Variants in SERPINC1 observed in about 807,000 individuals in gnomAD.
The protein encoded by SERPINC1 is serpin family C member 1, also known as antithrombin-III.
In SERPINC1, 12 loss-of-function variants were observed where a neutral mutation model predicts 43.4. The observed-to-expected ratio is 0.28, with a 90% CI of 0.18 to 0.45. The LOEUF is 0.45. SERPINC1 is among the 20% of genes least tolerant of loss of function. SERPINC1 has a pLI of 1.00. For synonymous variants in SERPINC1, 210 were observed against 218.9 expected, an observed-to-expected ratio of 0.96 and a Z score of 0.36; for missense variants, 423 against 578.8, an observed-to-expected ratio of 0.73 and a Z score of 2.76.
rs1208996174 is a variant in SERPINC1, at chr1:173,910,817, G to C, written c.699C>G (p.Val233=). The C allele has an allele frequency of 6.2e-7, 1 of 1,614,048 alleles. No homozygotes were observed. The change falls in exon 4 of 7, where the codon GTC becomes GTG. Residue 233 remains valine (V), a synonymous_variant. Transcript: ENST00000367698. ...GCTCATTGATGGCTTCCGAGGGAATGACATCGGTGATTCGGCCTTCGGTCT... is the reference window on the plus strand; with the variant it reads ...GCTCATTGATGGCTTCCGAGGGAATCACATCGGTGATTCGGCCTTCGGTCT... The part of the protein sequence containing the change: ...SNKTEGRITD[V]IPSEAINELT...
At chr1:173,907,366 A>C in intron 6 of SERPINC1, 84 bp downstream of exon 6, 1 of 1,085,076 alleles carries the variant, frequency 9.2e-7, no homozygotes, top group Non-Finnish European at 1.4e-6. Flanking sequence ...ATGCCTTAAC[A>C]CTGGAAACAG....
chr1:173,904,121 CA>C, intron 6 of SERPINC1, 56 bp from the exon 7 acceptor site: 4 of 1,537,428 alleles, frequency 2.6e-6, no homozygotes, highest in Non-Finnish European at 3.6e-6. Context: ...TCATTTTTGG[CA>C]GGTAAATCAT....
chr1:173,917,165 T>C (rs1001880914), intron 1 of SERPINC1, 54 bp downstream of exon 1: 37 of 1,492,572 alleles, frequency 2.5e-5, no homozygotes, highest in African/African-American at 1.1e-4. Flanking sequence ...GTGAGTCCTT[T>C]GGAGGTCACA....
intron 2 of SERPINC1, 87 bp downstream of exon 2, chr1:173,914,453 GTGGCCTGCAGTGT>G (rs929495996): frequency 7.4e-7 from 1 of 1,347,180 alleles, no homozygotes; most frequent in Admixed American, 1.7e-5. Context: ...AGCGCCCCTA[GTGGCCTGCAGTGT>G]TGGTTGAGGA....
At chr1:173,909,389 G>T (rs1657665176) in intron 5 of SERPINC1, among the ~76,000 whole-genome samples, 163 bp downstream of exon 5, 1 of 152,148 alleles carries the variant, frequency 6.6e-6, no homozygotes, top group Non-Finnish European at 1.5e-5. Context: ...AGGAAACTGA[G>T]GTCTCAAAAG....
At chr1:173,906,790 CTT>C (rs902646865) in intron 6 of SERPINC1, among the ~76,000 whole-genome samples, 11 of 151,946 alleles carry the variant, frequency 7.2e-5, no homozygotes, top group Admixed American at 5.9e-4. Context: ...GCCCAGGAGT[CTT>C]CTTACTAGAT....
chr1:173,906,632 A>G (rs2102777652), intron 6 of SERPINC1, among the ~76,000 whole-genome samples: 1 of 149,920 alleles, frequency 6.7e-6, no homozygotes, highest in South Asian at 2.1e-4. Context: ...GGCAGTCTCC[A>G]AACTTTTTTT....
chr1:173,905,079 AC>A (rs1476915006), intron 6 of SERPINC1, among the ~76,000 whole-genome samples: 1 of 151,992 alleles, frequency 6.6e-6, no homozygotes, highest in African/African-American at 2.4e-5. Flanking sequence ...AGTAACTCAG[AC>A]CCCTCAAGGA....
At chr1:173,911,458 C>T (rs963754768) in intron 3 of SERPINC1, among the ~76,000 whole-genome samples, 1 of 152,166 alleles carries the variant, frequency 6.6e-6, no homozygotes, top group African/African-American at 2.4e-5. Flanking sequence ...GCATCATGTA[C>T]CAACTTTATT....
At chr1:173,913,112 C>T (rs2227625) in intron 2 of SERPINC1, among the ~76,000 whole-genome samples, 100 of 152,324 alleles carry the variant, frequency 6.6e-4, no homozygotes, top group Non-Finnish European at 9.3e-4. Context: ...CTAAGACCCA[C>T]AGACTTTAGT....
chr1:173,916,850 G>A (rs1185485721), intron 1 of SERPINC1, among the ~76,000 whole-genome samples: 4 of 152,170 alleles, frequency 2.6e-5, no homozygotes, highest in Non-Finnish European at 5.9e-5. Context: ...GAGCAAAAAG[G>A]GAGTGAGGAG....
chr1:173,913,674 G>T (rs1265467885), intron 2 of SERPINC1, among the ~76,000 whole-genome samples: 1 of 152,114 alleles, frequency 6.6e-6, no homozygotes, highest in Non-Finnish European at 1.5e-5. Flanking sequence ...GGCCAACATG[G>T]TGAAACCCCA....
At position 173,910,777 on chromosome 1, in the gene SERPINC1, G is replaced by T; in HGVS notation, c.739C>A (p.Leu247Met). The T allele has an allele frequency of 6.2e-7, 1 of 1,614,040 alleles. No individual in the cohort carries two copies. The highest frequency in any genetic ancestry group is 8.5e-7 in the Non-Finnish European group (1 of 1,179,920). The stretch of plus-strand genomic sequence containing the variant: ...ACCTTGAAGTAAATGGTGTTAACCA[G>T]CACCAGAACAGTGAGCTCATTGATG... ...EAINELTVLV[L>M]VNTIYFKGLW... is the part of the protein sequence containing the mutation. The change falls in exon 4 of 7, where the codon CTG becomes ATG. Residue 247 changes from leucine to methionine, a missense_variant. Physicochemically the swap from Leu to Met is conservative, Grantham distance 15 (BLOSUM62 2). Transcript: ENST00000367698.
chr1:173,904,134 C>T, intron 6 of SERPINC1, 69 bp from the exon 7 acceptor site: 1 of 1,428,500 alleles, frequency 7.0e-7, no homozygotes, highest in Non-Finnish European at 9.9e-7. Flanking sequence ...GTAAATCATC[C>T]ACAGACACAG....
intron 6 of SERPINC1, among the ~76,000 whole-genome samples, chr1:173,905,252 C>T (rs988000581): frequency 6.6e-6 from 1 of 152,152 alleles, no homozygotes; most frequent in African/African-American, 2.4e-5. Context: ...CTTCCAAAAC[C>T]ATTAATACAG....
intron 2 of SERPINC1, 35 bp from the exon 3 acceptor site, chr1:173,912,049 G>T: frequency 2.6e-6 from 4 of 1,511,410 alleles, no homozygotes; most frequent in Non-Finnish European, 3.7e-6. Context: ...GGTGGGTTTG[G>T]TGGGCTGCCT....
At chr1:173,915,219 T>C (rs1657937411) in intron 1 of SERPINC1, 1 of 1,278,012 alleles carries the variant, frequency 7.8e-7, no homozygotes, top group Non-Finnish European at 1.0e-6. Context: ...GCTTCCTGTT[T>C]GTGACATGGA....
intron 6 of SERPINC1, among the ~76,000 whole-genome samples, 187 bp from the exon 7 acceptor site, chr1:173,904,252 A>G (rs1657388863): frequency 6.6e-6 from 1 of 152,218 alleles, no homozygotes; most frequent in African/African-American, 2.4e-5. Flanking sequence ...AATGTAAGGT[A>G]CTTGTGTTTG....
At chr1:173,914,065 G>A (rs185878179) in intron 2 of SERPINC1, among the ~76,000 whole-genome samples, 18 of 141,150 alleles carry the variant, frequency 1.3e-4, no homozygotes, top group Admixed American at 2.8e-4. Context: ...GCAATAGAGC[G>A]AGATTCCATC....
Sources: allele counts gnomAD v4.1 joint callset (sites outside exome capture counted in the v4.1 genomes callset), GRCh38; gene constraint gnomAD v4.1.1; transcripts MANE v1.5; gene names NCBI Gene and HGNC (gene_info 2026-07-23, HGNC 2026-07-21).